Variants in REPS2 observed in about 807,000 individuals in gnomAD.
REPS2 encodes the protein ralBP1-associated Eps domain-containing protein 2.
A neutral mutation model predicts 53.6 loss-of-function variants in REPS2; 23 were observed. That is an observed-to-expected ratio of 0.43 (90% CI 0.31 to 0.61). REPS2 has a LOEUF of 0.61. Among genes scored for constraint, REPS2 ranks in the 20% least tolerant of loss-of-function variants. The probability of loss-of-function intolerance (pLI) is 0.11; values close to 1 mark genes in which losing one functional copy is unlikely to be tolerated. For synonymous variants in REPS2, 238 were observed against 218.6 expected (o/e 1.09, Z -0.78); for missense variants, 446 against 534.9 (o/e 0.83, Z 1.64).
intron 14 of REPS2, among the ~76,000 whole-genome samples, chrX:17,104,348 C>T (rs1221813618): frequency 8.9e-6 from 1 of 111,981 alleles, no homozygotes; most frequent in East Asian, 2.8e-4. Flanking sequence ...TTACATGTGC[C>T]ACTATGGCCT....
chrX:17,084,079 C>T (rs759593881), intron 13 of REPS2, among the ~76,000 whole-genome samples: 3 of 108,330 alleles, frequency 2.8e-5, no homozygotes, highest in Non-Finnish European at 3.8e-5. Context: ...CCCATTCCCC[C>T]CTTTTCTTCC....
downstream of REPS2, among the ~76,000 whole-genome samples, chrX:17,157,424 A>G (rs1427363581): frequency 8.9e-6 from 1 of 112,056 alleles, no homozygotes; most frequent in Non-Finnish European, 1.9e-5. Flanking sequence ...TTCTACCCCC[A>G]TATCAGATCT....
chrX:17,178,120 T>G, the REPS2 span, among the ~76,000 whole-genome samples: 1 of 112,048 alleles, frequency 8.9e-6, no homozygotes, highest in African/African-American at 3.3e-5. Context: ...ATGGTTTATG[T>G]TTTTGGTAAA....
chrX:16,946,943 C>T lies in REPS2; in HGVS notation c.82C>T (p.Leu28=). The T allele has an allele frequency of 1.2e-6, 1 of 859,118 alleles. No individual in the cohort carries two copies. The highest frequency in any genetic ancestry group is 1.4e-6 in the Non-Finnish European group (1 of 706,719). 70.8% of individuals were successfully genotyped at this position (859,118 alleles called of 1,213,427 possible). The part of the protein sequence containing the change: ...GGGCGSGPPP[L]LLSEGEQQCY... ...GGGCTGTGGCTCCGGGCCGCCGCCGCTGCTGCTGAGCGAGGGCGAGCAGCA... is the reference window on the plus strand; with the variant it reads ...GGGCTGTGGCTCCGGGCCGCCGCCGTTGCTGCTGAGCGAGGGCGAGCAGCA... Residue 28 remains leucine (L), a synonymous_variant, in exon 1 of 18, where the codon CTG becomes TTG. Transcript: ENST00000357277.
intron 4 of REPS2, among the ~76,000 whole-genome samples, chrX:17,028,541 T>C (rs905619596): frequency 2.7e-5 from 3 of 112,192 alleles, no homozygotes; most frequent in African/African-American, 9.7e-5. Flanking sequence ...TGTGTGTTAA[T>C]GTATTGTAAC....
the REPS2 span, among the ~76,000 whole-genome samples, chrX:17,175,060 A>G: frequency 8.9e-6 from 1 of 112,764 alleles, no homozygotes; most frequent in African/African-American, 3.2e-5. Context: ...TGATCAATCA[A>G]GGGAATGAAA....
chrX:16,989,222 G>A (rs1205840187), intron 1 of REPS2, among the ~76,000 whole-genome samples: 1 of 97,677 alleles, frequency 1.0e-5, no homozygotes, highest in Non-Finnish European at 2.0e-5. Flanking sequence ...TTTGACAAAT[G>A]GTGCTAGGTC....
At chrX:17,064,662 A>G (rs1391093178) in intron 9 of REPS2, among the ~76,000 whole-genome samples, 1 of 112,380 alleles carries the variant, frequency 8.9e-6, no homozygotes, top group Non-Finnish European at 1.9e-5. Context: ...ATACCCATTT[A>G]AAGTATACAA....
chrX:17,178,818 T>C, the REPS2 span, among the ~76,000 whole-genome samples: 1 of 109,009 alleles, frequency 9.2e-6, no homozygotes, highest in African/African-American at 3.4e-5. Context: ...GAGAATTGCT[T>C]GAACCTGGGA....
intron 2 of REPS2, among the ~76,000 whole-genome samples, chrX:17,018,799 T>G (rs753363356): frequency 2.8e-5 from 3 of 108,049 alleles, no homozygotes; most frequent in Non-Finnish European, 3.8e-5. Context: ...TCTAATGGAT[T>G]GAGGAAATTG....
At chrX:17,058,214 G>C (rs2062101068) in intron 8 of REPS2, among the ~76,000 whole-genome samples, 2 of 111,300 alleles carry the variant, frequency 1.8e-5, no homozygotes, top group Admixed American at 1.9e-4. Context: ...CAGCACTTTG[G>C]GAGTCCAAGG....
chrX:17,068,035 T>A (rs2147969591), intron 9 of REPS2, among the ~76,000 whole-genome samples: 1 of 112,118 alleles, frequency 8.9e-6, no homozygotes, highest in Admixed American at 9.5e-5. Flanking sequence ...CATTTTCGGC[T>A]GGGCGCGGTG....
At chrX:17,000,612 G>T (rs765984057) in intron 1 of REPS2, among the ~76,000 whole-genome samples, 11 of 112,099 alleles carry the variant, frequency 9.8e-5, no homozygotes, top group Non-Finnish European at 1.9e-4. Flanking sequence ...TTTAGGCTTT[G>T]CAGGCCAAGA....
chrX:17,041,017 A>G (rs1423256760), intron 5 of REPS2, among the ~76,000 whole-genome samples: 1 of 111,637 alleles, frequency 9.0e-6, no homozygotes, highest in Non-Finnish European at 1.9e-5. Context: ...CCACATTTTA[A>G]TGACTTTGCA....
In REPS2 at chrX:17,149,863, G is replaced by T. The variant is rs2063552909; in HGVS notation, c.*2382G>T. The T allele has an allele frequency of 9.0e-6, 1 of 111,343 alleles. No individual in the cohort carries two copies. The highest frequency in any genetic ancestry group is 1.9e-5 in the Non-Finnish European group (1 of 53,070). The allele number at this position is 111,343 out of a possible 1,213,427, so 9.2% of individuals were successfully genotyped here. On this transcript the variant is annotated 3_prime_UTR_variant, in exon 18 of 18. Coordinates refer to ENST00000357277, the MANE Select transcript of REPS2 (RefSeq NM_004726.3). ...AGAGTGAGCCAGATTGGGAGGTTGG[G>T]GTTTTGTTTGGTTGGCTTGGTTTTC...
At chrX:16,982,733 A>T (rs193194969) in intron 1 of REPS2, among the ~76,000 whole-genome samples, 1 of 112,112 alleles carries the variant, frequency 8.9e-6, no homozygotes, top group African/African-American at 3.2e-5. Context: ...TTCCAGGCAG[A>T]AGCTGGTGGT....
intron 17 of REPS2, among the ~76,000 whole-genome samples, chrX:17,143,247 C>T (rs2063470451): frequency 8.9e-6 from 1 of 111,881 alleles, no homozygotes; most frequent in Admixed American, 9.5e-5. Context: ...GGTGGTTACA[C>T]AAATCTGTAC....
rs187582702 is a variant in REPS2, at chrX:17,151,672, T to A, written c.*4191T>A. The A allele has an allele frequency of 8.9e-6, 1 of 112,100 alleles. No homozygotes were observed. Among genetic ancestry groups the A allele is most frequent in the African/African-American group, 3.2e-5 (1 of 30,814 alleles). The allele number at this position is 112,100 out of a possible 1,213,427, so 9.2% of individuals were successfully genotyped here. A position where few individuals can be genotyped will look rare whatever the true frequency, so the allele number is the denominator to read the frequency against. On this transcript the variant is annotated 3_prime_UTR_variant, in exon 18 of 18. Coordinates refer to ENST00000357277, the MANE Select transcript of REPS2 (RefSeq NM_004726.3). ...TTCCCATATTATTGACAAGTAGGGATCATTAGGTTCTGGTTTGAACATTCT... is the reference window on the plus strand; with the variant it reads ...TTCCCATATTATTGACAAGTAGGGAACATTAGGTTCTGGTTTGAACATTCT...
At chrX:16,974,019 A>G (rs2046398326) in intron 1 of REPS2, among the ~76,000 whole-genome samples, 1 of 111,602 alleles carries the variant, frequency 9.0e-6, no homozygotes, top group Non-Finnish European at 1.9e-5. Flanking sequence ...TAGTTTTGCA[A>G]TATCTAGTCA....
Sources: gnomAD v4.1 joint callset for allele counts (sites outside exome capture counted in the v4.1 genomes callset) on GRCh38, gnomAD v4.1.1 for gene constraint, MANE v1.5 for transcripts, NCBI Gene and HGNC (gene_info 2026-07-23, HGNC 2026-07-21) for gene names.